The following PPP6R2 variants were observed in gnomAD, a reference collection of about 807,000 sequenced individuals.
PPP6R2 encodes protein phosphatase 6 regulatory subunit 2.
PPP6R2 carries 62 observed loss-of-function variants against 100.2 expected under a neutral mutation model. The ratio of observed to expected loss-of-function variants is 0.62; its 90% CI spans 0.50 to 0.76. The LOEUF (loss-of-function observed/expected upper bound fraction) is 0.76. Among genes scored for constraint, PPP6R2 ranks in the 30% least tolerant of loss-of-function variants. The probability of loss-of-function intolerance (pLI) is 0.00; values close to 1 mark genes in which losing one functional copy is unlikely to be tolerated. For missense variants in PPP6R2, 1,142 were observed against 1,276.3 expected (o/e 0.89, Z 1.60); for synonymous variants, 525 against 514.7 (o/e 1.02, Z -0.27).
chr22:50,363,933 C>T (rs1395419461), intron 1 of PPP6R2, among the ~76,000 whole-genome samples: 2 of 145,560 alleles, frequency 1.4e-5, no homozygotes, highest in South Asian at 2.2e-4. Flanking sequence ...TTGCTCTTGT[C>T]GCCCAGGCTG....
chr22:50,331,553 T>C, the PPP6R2 span, among the ~76,000 whole-genome samples: 15 of 152,190 alleles, frequency 9.9e-5, no homozygotes, highest in Admixed American at 2.0e-4. Flanking sequence ...GAGCATCTTA[T>C]GTGCTCCTAA....
intron 2 of PPP6R2, among the ~76,000 whole-genome samples, chr22:50,373,362 C>T (rs1010227205): frequency 6.6e-6 from 1 of 151,012 alleles, no homozygotes; most frequent in Non-Finnish European, 1.5e-5. Flanking sequence ...CTGCCTCAGC[C>T]TCCCGAGTAG....
At chr22:50,373,533 G>A (rs2050775634) in intron 2 of PPP6R2, among the ~76,000 whole-genome samples, 2 of 150,810 alleles carry the variant, frequency 1.3e-5, no homozygotes, top group South Asian at 4.2e-4. Flanking sequence ...GTGAGCCACC[G>A]CGCCCAGCCT....
Position 50,444,595 on chromosome 22 carries a change from T to G in PPP6R2, c.*348T>G, listed in dbSNP as rs1271050484. The G allele has an allele frequency of 9.4e-5, 27 of 287,788 alleles. No individual in the cohort carries two copies. The South Asian group carries it at 1.5e-3, about 16-fold the overall frequency. 17.8% of individuals were successfully genotyped at this position (287,788 alleles called of 1,614,324 possible). On this transcript the variant is annotated 3_prime_UTR_variant, in exon 24 of 24. Coordinates refer to ENST00000612753, the MANE Select transcript of PPP6R2 (RefSeq NM_001242898.2). ...AGGACCTGATGGGCCAGGAAGGGCG[T>G]GGACATGGAGGCTGTTTTTACAGTT...
intron 4 of PPP6R2, among the ~76,000 whole-genome samples, chr22:50,413,501 TAAAAAC>T (rs2060058062): frequency 6.6e-6 from 1 of 152,088 alleles, no homozygotes; most frequent in South Asian, 2.1e-4. Context: ...CTCAAAAACA[TAAAAAC>T]AAAACTACAA....
upstream of PPP6R2, among the ~76,000 whole-genome samples, chr22:50,340,515 GGT>G (rs1410097281): frequency 1.2e-3 from 166 of 139,892 alleles, 3 homozygotes; most frequent in East Asian, 7.7e-3. Flanking sequence ...GTGTGTGTGT[GGT>G]GTGTGTGGGG....
chr22:50,430,873 CAAAAA>C (rs375308909), intron 10 of PPP6R2, among the ~76,000 whole-genome samples: 2 of 85,678 alleles, frequency 2.3e-5, no homozygotes, highest in South Asian at 4.0e-4. Context: ...GACTCCGTCT[CAAAAA>C]AAAAAAAAAA....
At chr22:50,405,970 G>A (rs1356326054) in intron 3 of PPP6R2, among the ~76,000 whole-genome samples, 3 of 142,244 alleles carry the variant, frequency 2.1e-5, no homozygotes, top group Non-Finnish European at 4.6e-5. Flanking sequence ...GGAGAGAGGC[G>A]AGAGGCCTGG....
At chr22:50,332,355 T>A in the PPP6R2 span, among the ~76,000 whole-genome samples, 1 of 151,808 alleles carries the variant, frequency 6.6e-6, no homozygotes, top group South Asian at 2.1e-4. Context: ...CTCAGCCTCC[T>A]GAGTAGCTGG....
At chr22:50,438,344 A>G (rs1266737492) in intron 18 of PPP6R2, 46 bp downstream of exon 18, 1 of 1,585,384 alleles carries the variant, frequency 6.3e-7, no homozygotes, top group African/African-American at 1.3e-5. Context: ...GAGGAGGTTC[A>G]GCCCCCAGAA....
intron 10 of PPP6R2, among the ~76,000 whole-genome samples, chr22:50,425,828 G>A (rs1373840077): frequency 6.6e-6 from 1 of 151,516 alleles, no homozygotes; most frequent in African/African-American, 2.4e-5. Context: ...TAGCTTCGTT[G>A]GAGAAATGTC....
intron 1 of PPP6R2, among the ~76,000 whole-genome samples, chr22:50,358,332 T>G (rs1166146735): frequency 2.6e-5 from 4 of 152,208 alleles, no homozygotes; most frequent in Non-Finnish European, 5.9e-5. Context: ...TTAATTTGGA[T>G]ATAGTAAAAA....
chr22:50,375,832 A>AGTTTTTTTTTTTTT (rs2051381919), intron 2 of PPP6R2, among the ~76,000 whole-genome samples: 1 of 64,562 alleles, frequency 1.5e-5, no homozygotes, highest in Non-Finnish European at 2.6e-5. Context: ...ATCCCTGCAG[A>AGTTTTTTTTTTTTT]TTTTTTTTTT....
chr22:50,338,683 ATGTGGTGTG>A (rs1386613162), upstream of PPP6R2, among the ~76,000 whole-genome samples: 11 of 61,856 alleles, frequency 1.8e-4, no homozygotes, highest in East Asian at 2.9e-3. Flanking sequence ...TGTGTGTAGT[ATGTGGTGTG>A]TGTGGTGTGT....
chr22:50,410,938 C>T (rs1428598339), intron 4 of PPP6R2, among the ~76,000 whole-genome samples: 2 of 152,054 alleles, frequency 1.3e-5, no homozygotes, highest in Admixed American at 6.6e-5. Context: ...ATTACAGGTG[C>T]CTGCCCCCAT....
chr22:50,416,276 G>A (rs1406483966), intron 6 of PPP6R2, 119 bp downstream of exon 6: 11 of 827,398 alleles, frequency 1.3e-5, no homozygotes, highest in South Asian at 3.6e-5. Context: ...GATGAGGATC[G>A]GTTAGGTACT....
intron 1 of PPP6R2, among the ~76,000 whole-genome samples, chr22:50,368,557 C>T (rs988800161): frequency 1.3e-5 from 2 of 152,112 alleles, no homozygotes; most frequent in Non-Finnish European, 2.9e-5. Flanking sequence ...TAATAATATT[C>T]ACATATATCT....
intron 3 of PPP6R2, among the ~76,000 whole-genome samples, chr22:50,396,646 G>C (rs551649203): frequency 6.6e-6 from 1 of 152,168 alleles, no homozygotes; most frequent in Admixed American, 6.5e-5. Flanking sequence ...CAGGGGCCAC[G>C]GCAAATAATT....
At chr22:50,441,693 T>A (rs564907849) in intron 22 of PPP6R2, among the ~76,000 whole-genome samples, 2 of 151,370 alleles carry the variant, frequency 1.3e-5, no homozygotes, top group Non-Finnish European at 3.0e-5. Flanking sequence ...GGGGAGAGAG[T>A]GGAGAGGGAG....
Sources: gnomAD v4.1 joint callset for allele counts (sites outside exome capture counted in the v4.1 genomes callset) on GRCh38, gnomAD v4.1.1 for gene constraint, MANE v1.5 for transcripts, NCBI Gene and HGNC (gene_info 2026-07-23, HGNC 2026-07-21) for gene names.